Variants in DENND1A observed in about 807,000 individuals in gnomAD.
DENND1A encodes DENN domain-containing protein 1A.
DENND1A carries 51 observed loss-of-function variants against 113.7 expected under a neutral mutation model. That is an observed-to-expected ratio of 0.45 (90% CI 0.36 to 0.57). The LOEUF (loss-of-function observed/expected upper bound fraction) is 0.57. Among genes scored for constraint, DENND1A ranks in the 20% least tolerant of loss-of-function variants. DENND1A has a pLI of 0.00. For missense variants in DENND1A, 1,258 were observed against 1,395.9 expected (o/e 0.90, Z 1.57); for synonymous variants, 565 against 570.8 (o/e 0.99, Z 0.14).
At chr9:123,793,964 C>T (rs1324917703) in intron 2 of DENND1A, among the ~76,000 whole-genome samples, 1 of 152,224 alleles carries the variant, frequency 6.6e-6, no homozygotes, top group Non-Finnish European at 1.5e-5. Flanking sequence ...CAATTTCTTT[C>T]TTCACCCTCG....
At chr9:123,426,823 T>C (rs1377509389) in intron 19 of DENND1A, among the ~76,000 whole-genome samples, 1 of 152,148 alleles carries the variant, frequency 6.6e-6, no homozygotes, top group Non-Finnish European at 1.5e-5. Flanking sequence ...GGCAGATACT[T>C]AACATGAAAT....
At chr9:123,883,229 C>G (rs916948404) in intron 1 of DENND1A, among the ~76,000 whole-genome samples, 4 of 152,214 alleles carry the variant, frequency 2.6e-5, no homozygotes, top group Non-Finnish European at 5.9e-5. Flanking sequence ...AGTCAGTCTC[C>G]TTTCTCTAAA....
At chr9:123,397,694 G>A (rs760143754) in intron 21 of DENND1A, among the ~76,000 whole-genome samples, 3 of 152,208 alleles carry the variant, frequency 2.0e-5, no homozygotes, top group Non-Finnish European at 2.9e-5. Flanking sequence ...GGATCTCCAG[G>A]AATGCTAATA....
At chr9:123,472,295 C>T (rs1374695956) in intron 13 of DENND1A, among the ~76,000 whole-genome samples, 1 of 152,084 alleles carries the variant, frequency 6.6e-6, no homozygotes, top group Non-Finnish European at 1.5e-5. Flanking sequence ...AAACCAAGGA[C>T]CAGGAAGAAG....
At chr9:123,580,277 C>T (rs1337175159) in intron 12 of DENND1A, among the ~76,000 whole-genome samples, 1 of 152,186 alleles carries the variant, frequency 6.6e-6, no homozygotes, top group Non-Finnish European at 1.5e-5. Context: ...ATTTAAAAGG[C>T]ATCTTGGAAT....
At chr9:123,479,203 G>A (rs1284064526) in intron 13 of DENND1A, among the ~76,000 whole-genome samples, 3 of 152,224 alleles carry the variant, frequency 2.0e-5, no homozygotes, top group Admixed American at 6.5e-5. Context: ...CCAGGTTCAC[G>A]TGAGACATGT....
rs114068095 is a variant in DENND1A at position 123,452,788 on chromosome 9, T to G, written c.1228-441A>C. On this transcript the variant is annotated intron_variant, in intron 16 of 23. Coordinates refer to ENST00000394215, the MANE Select transcript of DENND1A (RefSeq NM_001352964.2). ...CAAGCCGGGGCAGAAAGTGGGGCCC[T>G]GATCAGCCAGGATCGTTGGGAAATA... 6.8e-3 allele frequency among the ~76,000 whole-genome samples: 1,031 copies of G among 152,300 alleles called. 10 individuals are homozygous for G. Among genetic ancestry groups the G allele is most frequent in the African/African-American group, 0.023 (964 of 41,560 alleles).
chr9:123,529,213 A>T (rs998020917), intron 13 of DENND1A, among the ~76,000 whole-genome samples: 2 of 152,184 alleles, frequency 1.3e-5, no homozygotes, highest in Admixed American at 6.5e-5. Flanking sequence ...GGGTGGTATG[A>T]GGACCTAAAA....
At chr9:123,485,029 T>C (rs1259160065) in intron 13 of DENND1A, among the ~76,000 whole-genome samples, 1 of 152,146 alleles carries the variant, frequency 6.6e-6, no homozygotes, top group African/African-American at 2.4e-5. Context: ...GTAGCCACTA[T>C]AATTGTCTGT....
Position 123,382,505 on chromosome 9 carries a change from G to C in DENND1A, c.2140C>G (p.Pro714Ala). The C allele has an allele frequency of 6.2e-7, 1 of 1,613,988 alleles. No individual in the cohort carries two copies. The highest frequency in any genetic ancestry group is 8.5e-7 in the Non-Finnish European group (1 of 1,179,914). ...QDDMAIPSKPPAASPEKPSAL... is the reference protein window; with the variant it reads ...QDDMAIPSKPAAASPEKPSAL... ...GAGGGCTTCTCAGGGGAGGCAGCTG[G>C]GGGCTTGCTGGGGATGGCCATGTCG... Residue 714 changes from proline to alanine, a missense_variant, in exon 24 of 24, where the codon CCA becomes GCA. Pro to Ala is a conservative substitution (Grantham distance 27, BLOSUM62 -1). Around this residue, in one of 2 missense-constraint regions of DENND1A, gnomAD observed 1,159 missense variants for 1,231.7 expected, o/e 0.94. Transcript: ENST00000394215.
chr9:123,506,998 C>T (rs1202795231), intron 13 of DENND1A, among the ~76,000 whole-genome samples: 2 of 152,144 alleles, frequency 1.3e-5, no homozygotes, highest in African/African-American at 4.8e-5. Context: ...CCAGCCTGGC[C>T]AACATGGTGA....
intron 18 of DENND1A, among the ~76,000 whole-genome samples, chr9:123,444,027 G>C (rs2047127180): frequency 6.6e-6 from 1 of 152,092 alleles, no homozygotes; most frequent in South Asian, 2.1e-4. Flanking sequence ...ATACGTAGTA[G>C]GGAGCTAATA....
intron 8 of DENND1A, among the ~76,000 whole-genome samples, chr9:123,658,417 C>T (rs2063073435): frequency 1.3e-5 from 2 of 152,070 alleles, no homozygotes; most frequent in South Asian, 2.1e-4. Flanking sequence ...GATTTATGCT[C>T]ATTTAATTAT....
chr9:123,648,485 C>A (rs943876521), intron 9 of DENND1A, among the ~76,000 whole-genome samples: 1 of 152,270 alleles, frequency 6.6e-6, no homozygotes, highest in South Asian at 2.1e-4. Context: ...CTAATTCATG[C>A]CTTTTGCCAA....
intron 3 of DENND1A, among the ~76,000 whole-genome samples, 182 bp from the exon 4 acceptor site, chr9:123,769,745 C>G (rs1221526658): frequency 1.3e-5 from 2 of 152,108 alleles, no homozygotes; most frequent in East Asian, 3.9e-4. Flanking sequence ...TAAACATGAT[C>G]AAACTTCATT....
intron 5 of DENND1A, among the ~76,000 whole-genome samples, chr9:123,745,773 A>C (rs547475371): frequency 2.6e-5 from 4 of 152,200 alleles, no homozygotes; most frequent in Non-Finnish European, 5.9e-5. Context: ...TTATCTCTAC[A>C]ATGGAGATAA....
At chr9:123,627,302 C>T (rs1394459484) in intron 10 of DENND1A, among the ~76,000 whole-genome samples, 1 of 152,208 alleles carries the variant, frequency 6.6e-6, no homozygotes, top group African/African-American at 2.4e-5. Context: ...AACCCAGGAG[C>T]AGTTCTGGCC....
chr9:123,659,926 C>T (rs1439719230), intron 8 of DENND1A, among the ~76,000 whole-genome samples: 1 of 152,182 alleles, frequency 6.6e-6, no homozygotes, highest in African/African-American at 2.4e-5. Flanking sequence ...GTGTCAAAAA[C>T]CACATAAATT....
rs1314534163 is a variant in DENND1A, at chr9:123,387,626, T to TC, written c.1760+103dup. 1.9e-5 allele frequency: 23 copies of TC among 1,189,272 alleles called. No individual in the cohort carries two copies. In the Admixed American group the frequency reaches 3.7e-4, roughly 19 times the overall value. The allele number at this position is 1,189,272 out of a possible 1,614,324, so 73.7% of individuals were successfully genotyped here. A position where few individuals can be genotyped will look rare whatever the true frequency, so the allele number is the denominator to read the frequency against. On this transcript the variant is annotated intron_variant, in intron 22 of 23. Transcript: ENST00000394215. ...CGGCAGGCAGCAGCTCCAGACACCC[T>TC]CCCCCCGACACAAAGGCAAGCAGCA...
Sources: gnomAD v4.1 joint callset for allele counts (sites outside exome capture counted in the v4.1 genomes callset) on GRCh38, gnomAD v4.1.1 for gene constraint, gnomAD v4.1.1 regional missense constraint, MANE v1.5 for transcripts, NCBI Gene and HGNC (gene_info 2026-07-23, HGNC 2026-07-21) for gene names.